AKR1A1: variants seen among roughly 807,000 people sequenced by gnomAD.
AKR1A1 encodes aldo-keto reductase family 1 member A1.
AKR1A1 carries 26 observed loss-of-function variants against 39.2 expected under a neutral mutation model. That is an observed-to-expected ratio of 0.66 (90% confidence interval 0.49 to 0.92). The LOEUF is 0.92. AKR1A1 is among the 40% of genes least tolerant of loss of function. AKR1A1 has a pLI of 0.00. For synonymous variants in AKR1A1, 141 were observed against 155.5 expected (o/e 0.91, Z 0.69); for missense variants, 378 against 406.5 (o/e 0.93, Z 0.60).
intron 2 of AKR1A1, among the ~76,000 whole-genome samples, chr1:45,566,082 G>C (rs1243620504): frequency 6.6e-6 from 1 of 152,040 alleles, no homozygotes; most frequent in Non-Finnish European, 1.5e-5. Context: ...TGGTCCCTTA[G>C]ACTGAAACCA....
At chr1:45,568,767 G>A (rs936039123) in intron 6 of AKR1A1, 83 bp downstream of exon 6, 2 of 1,569,426 alleles carry the variant, frequency 1.3e-6, no homozygotes, top group Admixed American at 1.7e-5. Flanking sequence ...GGGTGAGGCT[G>A]AGGATCTTGC....
intron 2 of AKR1A1, 108 bp from the exon 3 acceptor site, chr1:45,566,461 G>T: frequency 6.7e-7 from 1 of 1,502,702 alleles, no homozygotes; most frequent in Non-Finnish European, 9.0e-7. Flanking sequence ...CTGCATAGAT[G>T]TGCCTGTTAT....
At chr1:45,553,393 G>C (rs1644159171) in intron 1 of AKR1A1, among the ~76,000 whole-genome samples, 1 of 150,384 alleles carries the variant, frequency 6.6e-6, no homozygotes, top group South Asian at 2.1e-4. Flanking sequence ...CTGTACTCCA[G>C]CCTGGCGACA....
chr1:45,556,291 T>C (rs1373591711), intron 1 of AKR1A1, among the ~76,000 whole-genome samples: 1 of 152,120 alleles, frequency 6.6e-6, no homozygotes, highest in East Asian at 1.9e-4. Flanking sequence ...GAATATAACA[T>C]GAAGGTTTCC....
intron 1 of AKR1A1, among the ~76,000 whole-genome samples, chr1:45,558,035 G>A (rs1404523179): frequency 1.4e-5 from 2 of 146,874 alleles, no homozygotes; most frequent in Non-Finnish European, 3.0e-5. Flanking sequence ...TCAGCCACCC[G>A]AGTAGCTGGG....
At chr1:45,568,756 T>C in intron 6 of AKR1A1, 72 bp downstream of exon 6, 1 of 1,576,456 alleles carries the variant, frequency 6.3e-7, no homozygotes, top group Non-Finnish European at 8.7e-7. Flanking sequence ...TTTCAGTGTC[T>C]GGGTGAGGCT....
rs139469824 is a variant in AKR1A1 at position 45,569,881 on chromosome 1, C to T, written c.913-10C>T. ...TGCTGATGGAGTAATCTATCTGTCT[C>T]TCTTTCCAGGTGGATGGGAAGAGAG... On this transcript the variant is annotated splice_polypyrimidine_tract_variant and intron_variant, in intron 8 of 8. Transcript: ENST00000351829. The T allele has an allele frequency of 4.3e-6, 7 of 1,613,538 alleles. No individual in the cohort carries two copies. The East Asian group carries it at 1.3e-4, about 31-fold the overall frequency.
intron 8 of AKR1A1, 29 bp downstream of exon 8, chr1:45,569,258 G>A (rs377616185): frequency 1.3e-6 from 2 of 1,587,206 alleles, no homozygotes; most frequent in Admixed American, 3.3e-5. Context: ...CCTAGACTTG[G>A]GGAATGTGAG....
In AKR1A1 at chr1:45,568,659, C is replaced by G; in HGVS notation, c.727C>G (p.Arg243Gly). The G allele has an allele frequency of 6.2e-7, 1 of 1,613,616 alleles. No individual in the cohort carries two copies. Among genetic ancestry groups the G allele is most frequent in the Non-Finnish European group, 8.5e-7 (1 of 1,179,876 alleles). Residue 243 changes from arginine to glycine, a missense_variant, in exon 6 of 9, where the codon CGA (arginine) becomes GGA (glycine). Arg to Gly is a moderately radical substitution (Grantham distance 125). Coordinates refer to ENST00000351829, the MANE Select transcript of AKR1A1 (RefSeq NM_153326.3). ...VVLALAEKYG[R>G]SPAQILLRWQ... ...CCTGGCATTGGCTGAAAAGTATGGC[C>G]GATCTCCAGCTCAGATCTTGCTCAG...
At chr1:45,554,779 C>G (rs868282752) in intron 1 of AKR1A1, among the ~76,000 whole-genome samples, 2 of 152,120 alleles carry the variant, frequency 1.3e-5, no homozygotes, top group African/African-American at 4.8e-5. Flanking sequence ...CAACCTCTGC[C>G]CCCCAGGCTC....
chr1:45,568,962 A>C lies in AKR1A1; in HGVS notation c.788A>C (p.Lys263Thr). The C allele has an allele frequency of 6.2e-7, 1 of 1,614,194 alleles. No homozygotes were observed. The highest frequency in any genetic ancestry group is 8.5e-7 in the Non-Finnish European group (1 of 1,180,024). ...QVQRKVICIP[K>T]SITPSRILQN... Reference sequence around the variant, plus strand: ...CAGCGGAAAGTGATCTGCATCCCCAAAAGTATCACTCCTTCTCGAATCCTT... The same window carrying C: ...CAGCGGAAAGTGATCTGCATCCCCACAAGTATCACTCCTTCTCGAATCCTT... The change falls in exon 7 of 9, where the codon AAA becomes ACA. Residue 263 changes from lysine (K) to threonine (T), a missense_variant. Coordinates refer to ENST00000351829, the MANE Select transcript of AKR1A1 (RefSeq NM_153326.3).
intron 2 of AKR1A1, among the ~76,000 whole-genome samples, chr1:45,563,812 ATAAG>A (rs1401008069): frequency 2.0e-5 from 3 of 152,332 alleles, no homozygotes; most frequent in South Asian, 2.1e-4. Context: ...AATAAAATAA[ATAAG>A]TAACCACTTA....
intron 2 of AKR1A1, among the ~76,000 whole-genome samples, chr1:45,563,345 A>C (rs1193223622): frequency 1.3e-5 from 2 of 152,172 alleles, no homozygotes; most frequent in African/African-American, 4.8e-5. Context: ...GGTTGCAGTG[A>C]GCCAAAATTA....
At chr1:45,555,916 T>C (rs1179372970) in intron 1 of AKR1A1, among the ~76,000 whole-genome samples, 1 of 151,858 alleles carries the variant, frequency 6.6e-6, no homozygotes, top group African/African-American at 2.4e-5. Flanking sequence ...CCAGAGGGCG[T>C]TGAATATACA....
At chr1:45,554,394 C>G (rs1473047136) in intron 1 of AKR1A1, among the ~76,000 whole-genome samples, 1 of 152,058 alleles carries the variant, frequency 6.6e-6, no homozygotes, top group Non-Finnish European at 1.5e-5. Context: ...CACCACTGCC[C>G]TCCAGCCTGG....
intron 2 of AKR1A1, among the ~76,000 whole-genome samples, chr1:45,565,146 T>C (rs1364710810): frequency 1.4e-5 from 2 of 143,302 alleles, no homozygotes; most frequent in Admixed American, 7.1e-5. Context: ...TTTTTTTTTT[T>C]TGAGAAGGAG....
At chr1:45,561,906 C>G in intron 2 of AKR1A1, 28 bp downstream of exon 2, 1 of 1,608,870 alleles carries the variant, frequency 6.2e-7, no homozygotes, top group Non-Finnish European at 8.5e-7. Flanking sequence ...AAAAAAGAAA[C>G]TTGTTGAGCC....
At chr1:45,569,528 C>T (rs901768124) in intron 8 of AKR1A1, among the ~76,000 whole-genome samples, 3 of 152,152 alleles carry the variant, frequency 2.0e-5, no homozygotes, top group Non-Finnish European at 4.4e-5. Flanking sequence ...CAGTTCCTGA[C>T]ATGTAGTAGA....
At chr1:45,567,163 C>A in intron 4 of AKR1A1, 143 bp downstream of exon 4, 2 of 1,144,050 alleles carry the variant, frequency 1.7e-6, no homozygotes, top group Non-Finnish European at 2.4e-6. Context: ...GGATCTTAGC[C>A]TCTTCTGCTA....
Sources: gnomAD v4.1 joint callset for allele counts (sites outside exome capture counted in the v4.1 genomes callset) on GRCh38, gnomAD v4.1.1 for gene constraint, MANE v1.5 for transcripts, NCBI Gene and HGNC (gene_info 2026-07-23, HGNC 2026-07-21) for gene names.